The following GABBR2 variants were observed in gnomAD, a reference collection of about 807,000 sequenced individuals.
GABBR2 encodes the protein G-protein coupled receptor 51.
GABBR2 carries 23 observed loss-of-function variants against 105.6 expected under a neutral mutation model. The observed-to-expected ratio is 0.22, with a 90% CI of 0.16 to 0.31. The LOEUF is 0.31. Among genes scored for constraint, GABBR2 ranks in the 10% least tolerant of loss-of-function variants. The pLI, the probability that GABBR2 is intolerant of heterozygous loss-of-function variation, is 1.00. For missense variants in GABBR2, 734 were observed against 1,245.5 expected (o/e 0.59, Z 6.18); for synonymous variants, 478 against 499.7 (o/e 0.96, Z 0.58).
intron 2 of GABBR2, among the ~76,000 whole-genome samples, chr9:98,571,230 A>G (rs1220784934): frequency 3.3e-5 from 5 of 152,298 alleles, no homozygotes; most frequent in African/African-American, 1.2e-4. Context: ...ATGAAGGGGC[A>G]GGAGGTGGGC....
At chr9:98,364,006 G>A (rs1831633174) in intron 12 of GABBR2, among the ~76,000 whole-genome samples, 1 of 152,164 alleles carries the variant, frequency 6.6e-6, no homozygotes, top group Non-Finnish European at 1.5e-5. Context: ...GGTTTTTAAC[G>A]ATTAAAGCCA....
intron 8 of GABBR2, among the ~76,000 whole-genome samples, chr9:98,404,264 A>G (rs1284308882): frequency 2.6e-5 from 4 of 152,174 alleles, no homozygotes; most frequent in African/African-American, 9.7e-5. Context: ...AAGAAGTAAA[A>G]TTTAACAAAT....
intron 13 of GABBR2, among the ~76,000 whole-genome samples, chr9:98,316,160 T>TTG (rs975228828): frequency 2.0e-5 from 3 of 151,990 alleles, no homozygotes; most frequent in Admixed American, 6.6e-5. Flanking sequence ...ACTGGCTTTT[T>TTG]TTTTTTTCGA....
At chr9:98,429,776 C>T (rs1018297230) in intron 7 of GABBR2, among the ~76,000 whole-genome samples, 1 of 152,128 alleles carries the variant, frequency 6.6e-6, no homozygotes, top group Non-Finnish European at 1.5e-5. Flanking sequence ...AAACAGATGT[C>T]TTCTCTTGAC....
In GABBR2 at chr9:98,367,627, T is replaced by G. The variant is rs142629000; in HGVS notation, c.1770+3837A>C. Among the ~76,000 whole-genome samples, 42 of 152,306 alleles carry G rather than the reference T, an allele frequency of 2.8e-4. 1 individual carries two copies. Among genetic ancestry groups the G allele is most frequent in the African/African-American group, 1.0e-3 (42 of 41,572 alleles). On this transcript the variant is annotated intron_variant, in intron 12 of 18. Transcript: ENST00000259455. The stretch of plus-strand genomic sequence containing the variant: ...GTACAAGATTTGGTACTAATTTTGT[T>G]GTGAAAATGATGAAGGCTGGATGAG...
chr9:98,620,529 T>C (rs1417935219), intron 1 of GABBR2, among the ~76,000 whole-genome samples: 1 of 152,194 alleles, frequency 6.6e-6, no homozygotes, highest in African/African-American at 2.4e-5. Context: ...CATTTGGTTG[T>C]CAATGTCTCT....
rs115455505 is a variant in GABBR2, at chr9:98,317,367, G to A, written c.1894-6162C>T. ...TGGCCCGAGAGTCCCTCTGCATAAT[G>A]CAATTACTCACAATGTAGGTCAGTG... On this transcript the variant is annotated intron_variant, in intron 13 of 18. Transcript: ENST00000259455. 4.1e-3 allele frequency among the ~76,000 whole-genome samples: 623 copies of A among 152,324 alleles called. 9 individuals are homozygous for A. The highest frequency in any genetic ancestry group is 0.013 in the African/African-American group (560 of 41,570).
chr9:98,528,078 G>T (rs1827995186), intron 3 of GABBR2, among the ~76,000 whole-genome samples: 1 of 151,994 alleles, frequency 6.6e-6, no homozygotes, highest in Non-Finnish European at 1.5e-5. Context: ...TAAAATTAAT[G>T]TTACCTGTTT....
intron 11 of GABBR2, among the ~76,000 whole-genome samples, chr9:98,384,878 T>G (rs1832043625): frequency 6.6e-6 from 1 of 152,186 alleles, no homozygotes; most frequent in African/African-American, 2.4e-5. Context: ...TATTAAACTT[T>G]CATAAGAGGA....
intron 2 of GABBR2, among the ~76,000 whole-genome samples, chr9:98,572,328 C>G (rs908211846): frequency 6.6e-6 from 1 of 152,172 alleles, no homozygotes; most frequent in African/African-American, 2.4e-5. Context: ...GAATTTTCAC[C>G]CCTCTGGTGT....
intron 7 of GABBR2, among the ~76,000 whole-genome samples, chr9:98,410,118 G>T (rs1483116347): frequency 7.3e-6 from 1 of 137,856 alleles, no homozygotes; most frequent in East Asian, 1.9e-4. Flanking sequence ...GCTTGAGCTG[G>T]AATTTTTTTT....
At chr9:98,437,789 T>C (rs149548782) in intron 7 of GABBR2, among the ~76,000 whole-genome samples, 179 of 150,288 alleles carry the variant, frequency 1.2e-3, no homozygotes, top group African/African-American at 3.7e-3. Flanking sequence ...CATGCACCTA[T>C]AGCTATTGAC....
intron 3 of GABBR2, among the ~76,000 whole-genome samples, chr9:98,501,134 C>CCA (rs1554712268): frequency 2.1e-5 from 3 of 145,234 alleles, no homozygotes; most frequent in Non-Finnish European, 4.6e-5. Context: ...TGCCCCCCCC[C>CCA]CTTCCCCGCC....
chr9:98,302,425 T>C (rs1193385124), intron 16 of GABBR2, among the ~76,000 whole-genome samples: 1 of 152,234 alleles, frequency 6.6e-6, no homozygotes, highest in Admixed American at 6.5e-5. Context: ...AGCAATGACC[T>C]TGGGGAGCAG....
At chr9:98,312,642 T>C (rs1830653475) in intron 13 of GABBR2, among the ~76,000 whole-genome samples, 1 of 152,382 alleles carries the variant, frequency 6.6e-6, no homozygotes, top group East Asian at 1.9e-4. Flanking sequence ...GAGTCATTTA[T>C]TACTTTGGTA....
chr9:98,337,941 G>C (rs1394361921), intron 13 of GABBR2, among the ~76,000 whole-genome samples: 2 of 152,182 alleles, frequency 1.3e-5, no homozygotes, highest in African/African-American at 2.4e-5. Flanking sequence ...AGAATTGCTT[G>C]AACCTGGGAG....
Position 98,571,207 on chromosome 9 carries a change from T to C in GABBR2, c.459+6728A>G, listed in dbSNP as rs1212965305. On this transcript the variant is annotated intron_variant, in intron 2 of 18. Transcript: ENST00000259455. The stretch of plus-strand genomic sequence containing the variant: ...GCATAGTCCTGCCAGCAGCCTGTAC[T>C]GAGGCTGGCAGCATGAAGGGGCAGG... Among the ~76,000 whole-genome samples, 3 of 152,202 alleles carry C rather than the reference T, an allele frequency of 2.0e-5. No homozygotes were observed. In the East Asian group the frequency reaches 5.8e-4, roughly 29 times the overall value.
rs78208670 is a variant in GABBR2, at chr9:98,311,189, C to T, written c.1910G>A (p.Arg637Gln). The change falls in exon 14 of 19, where the codon CGG (arginine) becomes CAG (glutamine). Residue 637 changes from arginine (R) to glutamine (Q), a missense_variant. By Grantham distance (43) the Arg-to-Gln change is conservative. Around this residue, in one of 7 missense-constraint regions of GABBR2, gnomAD observed 52 missense variants for 81.3 expected, o/e 0.64. Transcript: ENST00000259455. ...CAGGAGAGGGCGGATGGAGATATCC[C>T]GTCCTGCTGGGTCCGGCTGTGCAAA... ...KYSMEPDPAG[R>Q]DISIRPLLEH... The T allele has an allele frequency of 2.2e-5, 36 of 1,612,486 alleles. No homozygotes were observed. The highest frequency in any genetic ancestry group is 8.3e-5 in the Admixed American group (5 of 60,002).
At chr9:98,605,383 C>A (rs1409704877) in intron 1 of GABBR2, among the ~76,000 whole-genome samples, 1 of 152,234 alleles carries the variant, frequency 6.6e-6, no homozygotes, top group Non-Finnish European at 1.5e-5. Context: ...TGCAGATCTG[C>A]AGTGGGCCAC....
Sources: allele counts gnomAD v4.1 joint callset (sites outside exome capture counted in the v4.1 genomes callset), GRCh38; gene constraint gnomAD v4.1.1; regional missense constraint gnomAD v4.1.1; transcripts MANE v1.5; gene names NCBI Gene and HGNC (gene_info 2026-07-23, HGNC 2026-07-21).